FLAD1: variants seen among roughly 807,000 people sequenced by gnomAD.
FLAD1 encodes the protein bifunctional FAD diphosphatase/FAD synthase.
In FLAD1, 35 loss-of-function variants were observed where a neutral mutation model predicts 55.0. That is an observed-to-expected ratio of 0.64 (90% CI 0.49 to 0.84). FLAD1 has a LOEUF of 0.84. Among genes scored for constraint, FLAD1 ranks in the 40% least tolerant of loss-of-function variants. The pLI, the probability that FLAD1 is intolerant of heterozygous loss-of-function variation, is 0.00. For missense variants in FLAD1, 665 were observed against 742.6 expected, an observed-to-expected ratio of 0.90 and a Z score of 1.21; for synonymous variants, 267 against 303.0, an observed-to-expected ratio of 0.88 and a Z score of 1.23.
At chr1:154,986,668 A>G (rs1657621971) in intron 1 of FLAD1, among the ~76,000 whole-genome samples, 1 of 142,834 alleles carries the variant, frequency 7.0e-6, no homozygotes, top group Admixed American at 6.9e-5. Context: ...AAGTGATGGG[A>G]TTACAGGCAT....
chr1:154,988,235 A>T lies in FLAD1; in HGVS notation c.503A>T (p.Asn168Ile), dbSNP rs150372864. 564 of 1,614,046 alleles carry T rather than the reference A, an allele frequency of 3.5e-4. 2 individuals are homozygous for T. The highest frequency in any genetic ancestry group is 2.2e-3 in the South Asian group (200 of 91,076). Residue 168 changes from asparagine to isoleucine, a missense_variant, in exon 2 of 7, where the codon AAC becomes ATC. Transcript: ENST00000292180. Reference protein sequence around the residue: ...TIAAEVTSFSNRFTHVLTAGG... With the variant: ...TIAAEVTSFSIRFTHVLTAGG... ...GCAGCTGAGGTCACTTCTTTCTCCA[A>T]CCGCTTCACCCATGTCCTCACAGCA...
intron 1 of FLAD1, chr1:154,987,762 C>T (rs1657682853): frequency 6.6e-6 from 3 of 454,454 alleles, no homozygotes; most frequent in African/African-American, 2.0e-5. Context: ...CATGGCAAGA[C>T]CCCATTTCTA....
intron 5 of FLAD1, 50 bp from the exon 6 acceptor site, chr1:154,992,663 A>G (rs757524444): frequency 1.2e-6 from 2 of 1,614,146 alleles, no homozygotes; most frequent in South Asian, 2.2e-5. Flanking sequence ...GCAGGGGTAG[A>G]AGTGGGAAAG....
chr1:154,988,409 C>G lies in FLAD1; in HGVS notation c.677C>G (p.Ser226Cys), dbSNP rs1224147906. ...GWEKLSLVPS[S>C]ARLHYGTDPC... ...GAGAAGCTATCATTGGTGCCCTCCT[C>G]TGCCCGCCTGCATTATGGCACAGAT... Residue 226 changes from serine to cysteine, a missense_variant, in exon 2 of 7, where the codon TCT (serine) becomes TGT (cysteine). Ser to Cys is a moderately radical substitution (Grantham distance 112). Transcript: ENST00000292180. 1.2e-6 allele frequency: 2 copies of G among 1,614,238 alleles called. No individual in the cohort carries two copies. The highest frequency in any genetic ancestry group is 1.7e-6 in the Non-Finnish European group (2 of 1,180,042).
chr1:154,991,403 A>C (rs772879738), intron 5 of FLAD1, among the ~76,000 whole-genome samples: 2 of 150,740 alleles, frequency 1.3e-5, no homozygotes, highest in African/African-American at 2.4e-5. Flanking sequence ...AAAAATACAA[A>C]AATTAGCGGA....
At chr1:154,989,516 C>T (rs1558075825) in intron 2 of FLAD1, 44 bp from the exon 3 acceptor site, 3 of 1,493,614 alleles carry the variant, frequency 2.0e-6, no homozygotes, top group Non-Finnish European at 2.7e-6. Flanking sequence ...CCTTTGATAG[C>T]CATATGTGTC....
Position 154,993,033 on chromosome 1 carries a change from C to T in FLAD1, c.1760C>T (p.Thr587Ile). ...ENEEEERNSRT is the reference protein window; with the variant it reads ...ENEEEERNSRI Reference sequence around the variant, plus strand: ...GAAGAAGAGGAGCGGAACTCCCGCACATGACCTCCCACCCTAGGAGGGAGG... The same window carrying T: ...GAAGAAGAGGAGCGGAACTCCCGCATATGACCTCCCACCCTAGGAGGGAGG... The change falls in exon 7 of 7, where the codon ACA becomes ATA. Residue 587 changes from threonine to isoleucine, a missense_variant. Thr to Ile is a moderately conservative substitution (Grantham distance 89). Coordinates refer to ENST00000292180, the MANE Select transcript of FLAD1 (RefSeq NM_025207.5). 4 of 1,614,008 alleles carry T rather than the reference C, an allele frequency of 2.5e-6. No homozygotes were observed. Among genetic ancestry groups the T allele is most frequent in the Non-Finnish European group, 3.4e-6 (4 of 1,179,928 alleles).
Sources: allele counts gnomAD v4.1 joint callset (sites outside exome capture counted in the v4.1 genomes callset), GRCh38; gene constraint gnomAD v4.1.1; transcripts MANE v1.5; gene names NCBI Gene and HGNC (gene_info 2026-07-23, HGNC 2026-07-21).